ARMH1: variants seen among roughly 807,000 people sequenced by gnomAD.
The protein encoded by ARMH1 is armadillo-like helical domain containing protein 1.
In ARMH1, 34 loss-of-function variants were observed where a neutral mutation model predicts 50.2. The observed-to-expected ratio is 0.68, with a 90% CI of 0.51 to 0.90. The LOEUF (loss-of-function observed/expected upper bound fraction) is 0.90, where lower values mean the gene tolerates loss of function less well. ARMH1 is among the 40% of genes least tolerant of loss of function. The probability of loss-of-function intolerance (pLI) is 0.00; values close to 1 mark genes in which losing one functional copy is unlikely to be tolerated. For synonymous variants in ARMH1, 221 were observed against 224.2 expected, an observed-to-expected ratio of 0.99 and a Z score of 0.13; for missense variants, 538 against 553.9, an observed-to-expected ratio of 0.97 and a Z score of 0.29.
chr1:44,710,667 T>C (rs1283310801), intron 6 of ARMH1, among the ~76,000 whole-genome samples: 1 of 152,068 alleles, frequency 6.6e-6, no homozygotes, highest in African/African-American at 2.4e-5. Flanking sequence ...TACTTCTTTC[T>C]TCATAAAAGC....
At chr1:44,696,732 G>C (rs184107820) in intron 2 of ARMH1, among the ~76,000 whole-genome samples, 6 of 152,144 alleles carry the variant, frequency 3.9e-5, no homozygotes, top group Non-Finnish European at 8.8e-5. Flanking sequence ...GAGGCACAAA[G>C]TCATGAACTA....
chr1:44,686,682 T>A (rs573181597), intron 1 of ARMH1, among the ~76,000 whole-genome samples: 174 of 151,748 alleles, frequency 1.1e-3, no homozygotes, highest in African/African-American at 3.9e-3. Flanking sequence ...TCTCAAAAAA[T>A]AATAATAATA....
chr1:44,697,304 G>A, intron 3 of ARMH1, 134 bp downstream of exon 3: 1 of 699,152 alleles, frequency 1.4e-6, no homozygotes, highest in Non-Finnish European at 2.5e-6. Context: ...GATGGGCCCA[G>A]AGGTAATGTC....
chr1:44,722,903 C>CA (rs71036693), intron 6 of ARMH1, among the ~76,000 whole-genome samples: 41,173 of 85,932 alleles, frequency 0.48, 8,397 homozygotes, highest in African/African-American at 0.54. Context: ...ACTAAAAATA[C>CA]AAAAAAAAAA....
chr1:44,721,322 GGAA>G (rs776409674), intron 6 of ARMH1, among the ~76,000 whole-genome samples: 6 of 152,140 alleles, frequency 3.9e-5, no homozygotes, highest in South Asian at 2.1e-4. Context: ...AACTATCTCT[GGAA>G]GAAAGTATCA....
At chr1:44,677,707 A>C in intron 1 of ARMH1, among the ~76,000 whole-genome samples, 1 of 152,212 alleles carries the variant, frequency 6.6e-6, no homozygotes, top group Middle Eastern at 3.4e-3. Context: ...TGATAGAAAG[A>C]CTTGAGGGGA....
At chr1:44,721,854 T>C (rs999591091) in intron 6 of ARMH1, 3 of 152,210 alleles carry the variant, frequency 2.0e-5, no homozygotes, top group African/African-American at 7.2e-5. Context: ...CACGGAAATC[T>C]TTAGTAAAAG....
chr1:44,713,562 C>T (rs983689883), intron 6 of ARMH1, among the ~76,000 whole-genome samples: 2 of 152,130 alleles, frequency 1.3e-5, no homozygotes, highest in Non-Finnish European at 2.9e-5. Context: ...GCATTACTTC[C>T]CCAAAAGTAT....
intron 1 of ARMH1, among the ~76,000 whole-genome samples, chr1:44,679,847 T>C (rs1158196495): frequency 6.6e-6 from 1 of 152,220 alleles, no homozygotes; most frequent in Non-Finnish European, 1.5e-5. Context: ...ATTCAACATC[T>C]GTTTTGTGCC....
chr1:44,700,807 TTTGGTTGAACAGGC>T (rs1430411096), intron 4 of ARMH1, 102 bp from the exon 5 acceptor site: 6 of 878,678 alleles, frequency 6.8e-6, no homozygotes, highest in East Asian at 5.4e-5. Context: ...TCAATTTTGC[TTTGGTTGAACAGGC>T]TTGGTTGAAG....
chr1:44,704,356 G>A (rs1646240299), intron 6 of ARMH1, among the ~76,000 whole-genome samples, 183 bp downstream of exon 6: 1 of 152,162 alleles, frequency 6.6e-6, no homozygotes, highest in South Asian at 2.1e-4. Flanking sequence ...GGGTGCCTAG[G>A]GTGCCTGAAC....
rs1415538129 is a variant in ARMH1, at chr1:44,684,020, A to AGT, written c.-22-5650_-22-5649dup. On this transcript the variant is annotated intron_variant, in intron 1 of 11. Transcript: ENST00000535358. Reference sequence around the variant, plus strand: ...AAAACAACCACAGAGAGAGAGAGAGAGTGTGTGAGTGTGTGTGCGTATGGT... The same window carrying AGT: ...AAAACAACCACAGAGAGAGAGAGAGAGTGTGTGTGAGTGTGTGTGCGTATGGT... Among the ~76,000 whole-genome samples the AGT allele has an allele frequency of 7.3e-5, 11 of 151,610 alleles. No individual in the cohort carries two copies. The South Asian group carries it at 1.7e-3, about 23-fold the overall frequency.
chr1:44,684,512 G>A (rs1645406495), intron 1 of ARMH1: 1 of 152,212 alleles, frequency 6.6e-6, no homozygotes, highest in Admixed American at 6.5e-5. Context: ...GGTGCAGGGA[G>A]GCTAACCGGC....
chr1:44,709,537 T>C (rs1557549503), intron 6 of ARMH1, among the ~76,000 whole-genome samples: 1 of 152,104 alleles, frequency 6.6e-6, no homozygotes, highest in East Asian at 1.9e-4. Context: ...CCGGGCGTAG[T>C]GGCATGCGCC....
At chr1:44,695,338 G>A (rs1434887478) in intron 2 of ARMH1, among the ~76,000 whole-genome samples, 5 of 152,194 alleles carry the variant, frequency 3.3e-5, no homozygotes, top group East Asian at 1.9e-4. Context: ...ACAGTGCCCC[G>A]CACACAATAG....
chr1:44,685,928 G>A (rs1227021847), intron 1 of ARMH1, among the ~76,000 whole-genome samples: 1 of 151,982 alleles, frequency 6.6e-6, no homozygotes, highest in African/African-American at 2.4e-5. Flanking sequence ...GCCCGGCCCA[G>A]ATAGCTTATT....
Position 44,724,445 on chromosome 1 carries a change from C to T in ARMH1, c.920+53C>T, listed in dbSNP as rs781054020. ...TGCAGCAAGCCTGGCTTGGCGCTGC[C>T]GGCGGGCCCCGGGAGCGCTCCGTGC... On this transcript the variant is annotated intron_variant, in intron 8 of 11. Transcript: ENST00000535358. This position sits in a 1 kb window ranked among gnomAD's most constrained non-coding sequence, Gnocchi z 6.4. 2.7e-4 allele frequency: 416 copies of T among 1,533,198 alleles called. 2 individuals carry two copies. Among genetic ancestry groups the T allele is most frequent in the Non-Finnish European group, 8.0e-5 (91 of 1,140,762 alleles). 95.0% of individuals were successfully genotyped at this position (1,533,198 alleles called of 1,614,324 possible). A position where few individuals can be genotyped will look rare whatever the true frequency, so the allele number is the denominator to read the frequency against.
At chr1:44,720,384 G>A (rs2983715) in intron 6 of ARMH1, among the ~76,000 whole-genome samples, 39,386 of 151,842 alleles carry the variant, frequency 0.26, 5,357 homozygotes, top group East Asian at 0.43. Flanking sequence ...GTTTCTAAGC[G>A]TGGTCCTAGG....
intron 2 of ARMH1, among the ~76,000 whole-genome samples, chr1:44,694,183 C>T (rs1277448786): frequency 1.3e-5 from 2 of 152,180 alleles, no homozygotes; most frequent in Non-Finnish European, 2.9e-5. Context: ...CAGTGTTCTA[C>T]ACCTAGAATT....
Sources: gnomAD v4.1 joint callset for allele counts (sites outside exome capture counted in the v4.1 genomes callset) on GRCh38, gnomAD v4.1.1 for gene constraint, Gnocchi (gnomAD v3.1) non-coding constraint, MANE v1.5 for transcripts, NCBI Gene and HGNC (gene_info 2026-07-23, HGNC 2026-07-21) for gene names.